Variants in GNAL observed in about 807,000 individuals in gnomAD.
GNAL encodes the protein guanine nucleotide-binding protein G(olf) subunit alpha.
GNAL carries 18 observed loss-of-function variants against 55.1 expected under a neutral mutation model. The observed-to-expected ratio is 0.33, with a 90% CI of 0.23 to 0.48. The LOEUF is 0.48. GNAL is among the 20% of genes least tolerant of loss of function. The pLI, the probability that GNAL is intolerant of heterozygous loss-of-function variation, is 0.99. For missense variants in GNAL, 412 were observed against 614.1 expected, an observed-to-expected ratio of 0.67 and a Z score of 3.48; for synonymous variants, 253 against 237.0, an observed-to-expected ratio of 1.07 and a Z score of -0.62.
chr18:11,747,415 T>C (rs1449627686), intron 1 of GNAL: 1 of 176,134 alleles, frequency 5.7e-6, no homozygotes, highest in Non-Finnish European at 1.2e-5. Flanking sequence ...TTCCCTTCAA[T>C]ATCCTAAAGC....
At chr18:11,692,575 A>G (rs1489500008) in intron 1 of GNAL, among the ~76,000 whole-genome samples, 1 of 152,156 alleles carries the variant, frequency 6.6e-6, no homozygotes, top group Non-Finnish European at 1.5e-5. Flanking sequence ...CGGATATGCA[A>G]GTACTCAAAG....
intron 1 of GNAL, among the ~76,000 whole-genome samples, chr18:11,739,421 G>A (rs373198271): frequency 2.0e-5 from 3 of 152,110 alleles, no homozygotes; most frequent in Admixed American, 6.5e-5. Context: ...GTTTCTAGGG[G>A]CAGGGTATTC....
intron 1 of GNAL, among the ~76,000 whole-genome samples, chr18:11,724,922 C>T (rs973447154): frequency 6.6e-6 from 1 of 152,218 alleles, no homozygotes; most frequent in Non-Finnish European, 1.5e-5. Context: ...GTTTGCTTGT[C>T]GGGGCCTGCC....
At chr18:11,780,965 C>G (rs2033912152) in intron 4 of GNAL, among the ~76,000 whole-genome samples, 1 of 152,184 alleles carries the variant, frequency 6.6e-6, no homozygotes. Context: ...TGACTGATAA[C>G]AGGCTACTAA....
chr18:11,841,276 G>C (rs112089504), intron 5 of GNAL, among the ~76,000 whole-genome samples: 32 of 152,156 alleles, frequency 2.1e-4, no homozygotes, highest in African/African-American at 5.5e-4. Flanking sequence ...TTTTCAGATG[G>C]CAGTCACAGC....
At chr18:11,872,161 AT>A in intron 9 of GNAL, 106 bp from the exon 10 acceptor site, 1 of 699,428 alleles carries the variant, frequency 1.4e-6, no homozygotes, top group Non-Finnish European at 2.4e-6. Flanking sequence ...AATCCTATAC[AT>A]TTTTAGGAAG....
chr18:11,735,803 A>T (rs551642630), intron 1 of GNAL, among the ~76,000 whole-genome samples: 11 of 148,744 alleles, frequency 7.4e-5, no homozygotes, highest in Middle Eastern at 3.4e-3. Context: ...GAGGGAAGGA[A>T]GGAAAGGAAG....
In GNAL at chr18:11,751,148, C is replaced by T. The variant is rs527719638; in HGVS notation, c.377-1705C>T. On this transcript the variant is annotated intron_variant, in intron 1 of 11. Transcript: ENST00000334049. The surrounding 1 kb of genome is among the most constrained non-coding windows in gnomAD (Gnocchi z 4.5). The stretch of plus-strand genomic sequence containing the variant: ...AAGCCCGAGACGGTCAACTGGGAGC[C>T]GCCACACACAAGGAACAGTGATTTC... Among the ~76,000 whole-genome samples the T allele has an allele frequency of 1.1e-3, 171 of 152,212 alleles. 1 individual carries two copies. Among genetic ancestry groups the T allele is most frequent in the Middle Eastern group, 6.8e-3 (2 of 294 alleles).
Position 11,726,518 on chromosome 18 carries a change from C to T in GNAL, c.377-26335C>T, listed in dbSNP as rs9960747. Among the ~76,000 whole-genome samples the T allele has an allele frequency of 8.0e-3, 1,210 of 152,176 alleles. 16 individuals carry two copies. The highest frequency in any genetic ancestry group is 0.027 in the African/African-American group (1,128 of 41,416). ...GCAGGAGAAGCTGTCTCTGAGCTCC[C>T]AGGCCTCTGCCCCTCTCTGGGGCAC... On this transcript the variant is annotated intron_variant, in intron 1 of 11. Coordinates refer to ENST00000334049, the MANE Select transcript of GNAL (RefSeq NM_182978.4).
intron 5 of GNAL, among the ~76,000 whole-genome samples, chr18:11,835,855 G>C (rs752866714): frequency 6.6e-6 from 1 of 152,136 alleles, no homozygotes; most frequent in African/African-American, 2.4e-5. Flanking sequence ...TATTTAAGAC[G>C]TGCGTCCCAC....
chr18:11,870,056 C>T (rs571126715), intron 9 of GNAL, among the ~76,000 whole-genome samples: 7 of 152,224 alleles, frequency 4.6e-5, no homozygotes, highest in African/African-American at 7.2e-5. Flanking sequence ...TTTAAGCATA[C>T]GGGAGGATGT....
intron 5 of GNAL, among the ~76,000 whole-genome samples, chr18:11,827,895 C>T (rs1265854798): frequency 4.0e-5 from 6 of 149,816 alleles, no homozygotes; most frequent in South Asian, 4.3e-4. Flanking sequence ...GGCGTGAACC[C>T]GGGAGGCGGA....
At chr18:11,766,403 A>T (rs1389987050) in intron 4 of GNAL, among the ~76,000 whole-genome samples, 1 of 152,216 alleles carries the variant, frequency 6.6e-6, no homozygotes, top group Non-Finnish European at 1.5e-5. Flanking sequence ...TTTGGATAGG[A>T]AATATTTGTG....
chr18:11,841,623 C>A (rs1202737712), intron 5 of GNAL, among the ~76,000 whole-genome samples: 4 of 134,884 alleles, frequency 3.0e-5, no homozygotes, highest in Admixed American at 8.1e-5. Context: ...TCAGCCTGGG[C>A]AACAGAGTAA....
chr18:11,833,025 T>C (rs531708901), intron 5 of GNAL, among the ~76,000 whole-genome samples: 60 of 151,690 alleles, frequency 4.0e-4, no homozygotes, highest in Non-Finnish European at 8.5e-4. Flanking sequence ...TCTCTATCTC[T>C]AGCCAAATTT....
intron 11 of GNAL, among the ~76,000 whole-genome samples, chr18:11,877,343 T>C (rs1356852589): frequency 6.6e-6 from 1 of 152,112 alleles, no homozygotes; most frequent in Non-Finnish European, 1.5e-5. Context: ...TAATCCCAGC[T>C]ACTCTGGAGG....
Position 11,713,348 on chromosome 18 carries a change from GC to G in GNAL, c.376+23410del, listed in dbSNP as rs551982424. ...GGCTGTTGGCGTGGGGAAGCTGTAG[GC>G]TGGCTAAGTGCAAAGGGGACATCCC... is the stretch of plus-strand genomic sequence containing the variant. On this transcript the variant is annotated intron_variant, in intron 1 of 11. Transcript: ENST00000334049. 2.2e-4 allele frequency among the ~76,000 whole-genome samples: 34 copies of G among 152,352 alleles called. No homozygotes were observed. The East Asian group carries it at 6.2e-3, about 28-fold the overall frequency.
intron 1 of GNAL, among the ~76,000 whole-genome samples, chr18:11,714,371 A>G (rs1011966917): frequency 6.6e-6 from 1 of 152,164 alleles, no homozygotes; most frequent in Non-Finnish European, 1.5e-5. Flanking sequence ...GAGGGAAGAA[A>G]AAAAGGGACA....
At chr18:11,828,620 C>T (rs769366752) in intron 5 of GNAL, among the ~76,000 whole-genome samples, 38 of 151,600 alleles carry the variant, frequency 2.5e-4, no homozygotes, top group Non-Finnish European at 4.1e-4. Flanking sequence ...TTGGAGAACA[C>T]CACAGTTCTG....
Sources: allele counts gnomAD v4.1 joint callset (sites outside exome capture counted in the v4.1 genomes callset), GRCh38; gene constraint gnomAD v4.1.1; non-coding constraint Gnocchi (gnomAD v3.1); transcripts MANE v1.5; gene names NCBI Gene and HGNC (gene_info 2026-07-23, HGNC 2026-07-21).